Variants in NLGN1 observed in about 807,000 individuals in gnomAD.
NLGN1 encodes the protein neuroligin 1, also known as neuroligin-1.
A neutral mutation model predicts 65.5 loss-of-function variants in NLGN1; 12 were observed. The observed-to-expected ratio is 0.18, with a 90% CI of 0.12 to 0.30. The LOEUF (loss-of-function observed/expected upper bound fraction) is 0.30, where lower values mean the gene tolerates loss of function less well. Among genes scored for constraint, NLGN1 ranks in the 10% least tolerant of loss-of-function variants. The pLI is 1.00. For synonymous variants in NLGN1, 350 were observed against 359.5 expected (o/e 0.97, Z 0.30); for missense variants, 750 against 1,007.1 (o/e 0.74, Z 3.46).
At chr3:173,564,047 C>T (rs1030599764) in intron 2 of NLGN1, among the ~76,000 whole-genome samples, 1 of 152,214 alleles carries the variant, frequency 6.6e-6, no homozygotes, top group South Asian at 2.1e-4. Flanking sequence ...CTGTCAGTGC[C>T]GTCTCTTGTC....
chr3:173,953,136 G>C (rs1190442442), intron 4 of NLGN1, among the ~76,000 whole-genome samples: 1 of 152,152 alleles, frequency 6.6e-6, no homozygotes, highest in Non-Finnish European at 1.5e-5. Context: ...TTTATCAGCA[G>C]TCAGAGTAGC....
chr3:174,060,468 C>T (rs1221294663), intron 4 of NLGN1, among the ~76,000 whole-genome samples: 5 of 152,116 alleles, frequency 3.3e-5, no homozygotes, highest in African/African-American at 1.2e-4. Flanking sequence ...AACAGTAGGA[C>T]TTAAAGCAAG....
chr3:173,814,181 G>T (rs769804051), intron 4 of NLGN1, among the ~76,000 whole-genome samples: 1 of 152,216 alleles, frequency 6.6e-6, no homozygotes, highest in Non-Finnish European at 1.5e-5. Flanking sequence ...CTTCATAAGT[G>T]CTCATAACTT....
At chr3:174,001,556 A>G (rs1306323229) in intron 4 of NLGN1, among the ~76,000 whole-genome samples, 2 of 152,172 alleles carry the variant, frequency 1.3e-5, no homozygotes, top group African/African-American at 4.8e-5. Flanking sequence ...TGTAGGGGTT[A>G]AGAGGATAGT....
At chr3:173,894,536 A>G (rs1327121518) in intron 4 of NLGN1, among the ~76,000 whole-genome samples, 1 of 151,942 alleles carries the variant, frequency 6.6e-6, no homozygotes, top group Non-Finnish European at 1.5e-5. Context: ...AGGGTCATAT[A>G]GTATATGAGT....
intron 2 of NLGN1, among the ~76,000 whole-genome samples, chr3:173,543,889 G>A (rs539679539): frequency 6.6e-6 from 1 of 152,190 alleles, no homozygotes; most frequent in Admixed American, 6.5e-5. Flanking sequence ...ATGAAACATA[G>A]GTGAATGACA....
intron 2 of NLGN1, among the ~76,000 whole-genome samples, chr3:173,443,778 C>T (rs1297911462): frequency 6.6e-6 from 1 of 152,050 alleles, no homozygotes; most frequent in Admixed American, 6.5e-5. Flanking sequence ...AACCCATAAC[C>T]GTTAATATTG....
intron 4 of NLGN1, among the ~76,000 whole-genome samples, chr3:174,029,396 G>A (rs1283442948): frequency 6.6e-6 from 1 of 152,154 alleles, no homozygotes; most frequent in Non-Finnish European, 1.5e-5. Flanking sequence ...ACTTGCATGG[G>A]GCCTGTAGCC....
At chr3:173,471,285 G>A (rs112908057) in intron 2 of NLGN1, among the ~76,000 whole-genome samples, 6 of 152,158 alleles carry the variant, frequency 3.9e-5, no homozygotes, top group South Asian at 2.1e-4. Flanking sequence ...TTGTTTCACA[G>A]TTCTGGAGTC....
rs6773835 is a variant in NLGN1 at position 173,452,258 on chromosome 3, C to G, written c.-321+17180C>G. Among the ~76,000 whole-genome samples the G allele has an allele frequency of 2.6e-5, 4 of 151,766 alleles. No homozygotes were observed. The South Asian group carries it at 8.3e-4, about 32-fold the overall frequency. Reference sequence around the variant, plus strand: ...TTGCCCAGGCTGGAGTGCAGTGGCGCGATCTTGGCTCACTGTAAGCTCTTC... The same window carrying G: ...TTGCCCAGGCTGGAGTGCAGTGGCGGGATCTTGGCTCACTGTAAGCTCTTC... On this transcript the variant is annotated intron_variant, in intron 2 of 6. Transcript: ENST00000457714.
chr3:173,484,563 A>G lies in NLGN1; in HGVS notation c.-321+49485A>G, dbSNP rs545182319. ...ATTTCTCTTAGAATCTTAATAAGCA[A>G]AATATTCATATTAAAAGTCTCCTTC... On this transcript the variant is annotated intron_variant, in intron 2 of 6. Transcript: ENST00000457714. Among the ~76,000 whole-genome samples, 9 of 152,262 alleles carry G rather than the reference A, an allele frequency of 5.9e-5. No homozygotes were observed. In the East Asian group the frequency reaches 1.5e-3, roughly 26 times the overall value.
chr3:173,705,810 C>CT (rs1279392918), intron 3 of NLGN1, among the ~76,000 whole-genome samples: 17 of 151,894 alleles, frequency 1.1e-4, no homozygotes, highest in African/African-American at 4.1e-4. Flanking sequence ...CTGCTTTGAA[C>CT]ATTTTGGTCA....
chr3:173,628,187 G>A (rs1328165580), intron 3 of NLGN1, among the ~76,000 whole-genome samples: 3 of 152,106 alleles, frequency 2.0e-5, no homozygotes, highest in Non-Finnish European at 2.9e-5. Context: ...GGATGACCTT[G>A]CTCTGTAACA....
intron 3 of NLGN1, among the ~76,000 whole-genome samples, chr3:173,807,187 A>G (rs1716851513): frequency 6.6e-6 from 1 of 152,218 alleles, no homozygotes; most frequent in South Asian, 2.1e-4. Context: ...ATTGGAGCAT[A>G]AATGAGTTGA....
chr3:173,836,383 T>C (rs2150636880), intron 4 of NLGN1, among the ~76,000 whole-genome samples: 1 of 152,246 alleles, frequency 6.6e-6, no homozygotes, highest in South Asian at 2.1e-4. Context: ...GTTGCAATTA[T>C]TACAACTAAT....
chr3:173,434,633 G>A (rs1717771743), intron 1 of NLGN1, among the ~76,000 whole-genome samples: 1 of 152,124 alleles, frequency 6.6e-6, no homozygotes, highest in Non-Finnish European at 1.5e-5. Context: ...CAGCTCTCTA[G>A]GATCAAGAGC....
At chr3:173,656,095 A>G (rs897191431) in intron 3 of NLGN1, among the ~76,000 whole-genome samples, 1 of 152,164 alleles carries the variant, frequency 6.6e-6, no homozygotes, top group African/African-American at 2.4e-5. Flanking sequence ...GGAAAGTTAC[A>G]AAGTCATTTA....
intron 4 of NLGN1, among the ~76,000 whole-genome samples, chr3:174,064,624 A>G (rs529912899): frequency 6.7e-6 from 1 of 150,354 alleles, no homozygotes; most frequent in Non-Finnish European, 1.5e-5. Flanking sequence ...GAGAATATGT[A>G]TATGTATAAT....
intron 4 of NLGN1, among the ~76,000 whole-genome samples, chr3:174,098,288 TG>T (rs1711550181): frequency 6.6e-6 from 1 of 152,162 alleles, no homozygotes. Context: ...TTTCACATTT[TG>T]TAATTCAGTT....
Sources: gnomAD v4.1 joint callset for allele counts (sites outside exome capture counted in the v4.1 genomes callset) on GRCh38, gnomAD v4.1.1 for gene constraint, MANE v1.5 for transcripts, NCBI Gene and HGNC (gene_info 2026-07-23, HGNC 2026-07-21) for gene names.